DENND1A: variants seen among roughly 807,000 people sequenced by gnomAD.
The protein encoded by DENND1A is DENN domain-containing protein 1A.
In DENND1A, 51 loss-of-function variants were observed where a neutral mutation model predicts 113.7. That is an observed-to-expected ratio of 0.45 (90% CI 0.36 to 0.57). The LOEUF is 0.57. Ranked by LOEUF, DENND1A falls within the 20% of genes least tolerant of loss-of-function variation. The pLI is 0.00. For synonymous variants in DENND1A, 565 were observed against 570.8 expected (o/e 0.99, Z 0.14); for missense variants, 1,258 against 1,395.9 (o/e 0.90, Z 1.57).
At chr9:123,724,249 G>A (rs2141204743) in intron 5 of DENND1A, among the ~76,000 whole-genome samples, 1 of 152,282 alleles carries the variant, frequency 6.6e-6, no homozygotes, top group East Asian at 1.9e-4. Context: ...ACTCGTTGAG[G>A]GAGGCTGAAG....
intron 1 of DENND1A, among the ~76,000 whole-genome samples, chr9:123,901,608 A>C (rs1363589223): frequency 6.6e-6 from 1 of 152,196 alleles, no homozygotes; most frequent in African/African-American, 2.4e-5. Context: ...TAGTTCTGCC[A>C]CGTCTTTCTC....
At chr9:123,784,510 TGAGGCTAAGAGAAAACA>T (rs1831812783) in intron 3 of DENND1A, among the ~76,000 whole-genome samples, 2 of 152,164 alleles carry the variant, frequency 1.3e-5, no homozygotes, top group Admixed American at 1.3e-4. Context: ...ACTGATTCTA[TGAGGCTAAGAGAAAACA>T]GAGACTGCCT....
intron 2 of DENND1A, among the ~76,000 whole-genome samples, chr9:123,858,837 T>G: frequency 6.6e-6 from 1 of 152,032 alleles, no homozygotes; most frequent in East Asian, 1.9e-4. Flanking sequence ...AAAATACTTA[T>G]AGTTAAAAGA....
intron 18 of DENND1A, among the ~76,000 whole-genome samples, chr9:123,443,025 C>A (rs1396557580): frequency 6.6e-6 from 1 of 152,094 alleles, no homozygotes; most frequent in Non-Finnish European, 1.5e-5. Flanking sequence ...TTTTCCAGAC[C>A]CTTGACCTTC....
intron 13 of DENND1A, among the ~76,000 whole-genome samples, chr9:123,498,731 T>C (rs1456661674): frequency 6.6e-6 from 1 of 151,946 alleles, no homozygotes; most frequent in African/African-American, 2.4e-5. Context: ...CTCTCTTTTT[T>C]TTTTTTCTTG....
chr9:123,788,131 G>T (rs1399054110), intron 3 of DENND1A, among the ~76,000 whole-genome samples: 1 of 152,070 alleles, frequency 6.6e-6, no homozygotes, highest in African/African-American at 2.4e-5. Flanking sequence ...GAAAAAACAG[G>T]CTATGAAAGT....
chr9:123,745,885 A>G (rs920894952), intron 5 of DENND1A, among the ~76,000 whole-genome samples: 5 of 152,214 alleles, frequency 3.3e-5, no homozygotes, highest in African/African-American at 1.2e-4. Context: ...ACAGACTATA[A>G]CCATAAGCAA....
At chr9:123,843,884 T>C (rs1337955838) in intron 2 of DENND1A, among the ~76,000 whole-genome samples, 2 of 152,142 alleles carry the variant, frequency 1.3e-5, no homozygotes, top group Non-Finnish European at 2.9e-5. Flanking sequence ...CGATAGAATT[T>C]TTAAAAACAA....
At chr9:123,594,278 C>T (rs1432836512) in intron 11 of DENND1A, among the ~76,000 whole-genome samples, 2 of 152,138 alleles carry the variant, frequency 1.3e-5, no homozygotes, top group African/African-American at 4.8e-5. Flanking sequence ...ACACACACAA[C>T]AACAAAATTA....
intron 1 of DENND1A, among the ~76,000 whole-genome samples, chr9:123,925,294 T>A (rs1397788628): frequency 6.6e-6 from 1 of 152,118 alleles, no homozygotes; most frequent in East Asian, 1.9e-4. Context: ...CTGCCTCTAC[T>A]CCCTCTGCTA....
At chr9:123,582,887 C>G (rs2058985836) in intron 12 of DENND1A, among the ~76,000 whole-genome samples, 1 of 151,116 alleles carries the variant, frequency 6.6e-6, no homozygotes, top group Admixed American at 6.6e-5. Context: ...TTAGTAGAAA[C>G]AGGGTTTCAC....
intron 2 of DENND1A, among the ~76,000 whole-genome samples, chr9:123,876,060 T>C (rs915634618): frequency 2.6e-5 from 4 of 152,236 alleles, no homozygotes; most frequent in African/African-American, 7.2e-5. Flanking sequence ...ACAGATATCA[T>C]GGTCTGCTTA....
intron 8 of DENND1A, among the ~76,000 whole-genome samples, chr9:123,654,653 CGTAA>C (rs2062838172): frequency 6.6e-6 from 1 of 152,220 alleles, no homozygotes; most frequent in Non-Finnish European, 1.5e-5. Context: ...GTTAAAAATA[CGTAA>C]CATTTAGCCA....
chr9:123,390,405 T>C (rs2042778234), intron 21 of DENND1A, among the ~76,000 whole-genome samples: 1 of 152,224 alleles, frequency 6.6e-6, no homozygotes, highest in South Asian at 2.1e-4. Flanking sequence ...ATGTGAAGAA[T>C]GGGACGATGT....
At chr9:123,701,393 C>T (rs145407067) in intron 5 of DENND1A, among the ~76,000 whole-genome samples, 1 of 152,178 alleles carries the variant, frequency 6.6e-6, no homozygotes, top group Non-Finnish European at 1.5e-5. Flanking sequence ...CCTCCCCTTA[C>T]CTCAGGCAGT....
At chr9:123,759,236 A>G (rs536115898) in intron 4 of DENND1A, 1 of 152,290 alleles carries the variant, frequency 6.6e-6, no homozygotes, top group African/African-American at 2.4e-5. Flanking sequence ...TAAGGCTACC[A>G]CCTACTTGCC....
chr9:123,676,992 A>G (rs922303570), intron 5 of DENND1A, among the ~76,000 whole-genome samples: 4 of 152,240 alleles, frequency 2.6e-5, no homozygotes, highest in African/African-American at 9.6e-5. Context: ...AGAGGATTAA[A>G]TGTCCATTAT....
At chr9:123,779,227 C>T (rs149671025) in intron 3 of DENND1A, among the ~76,000 whole-genome samples, 3 of 152,306 alleles carry the variant, frequency 2.0e-5, no homozygotes, top group East Asian at 1.9e-4. Flanking sequence ...CTACTCCCCA[C>T]TCACTCAAAA....
chr9:123,772,446 G>A (rs567441336), intron 3 of DENND1A, among the ~76,000 whole-genome samples: 8 of 152,198 alleles, frequency 5.3e-5, no homozygotes, highest in African/African-American at 1.4e-4. Flanking sequence ...TCTTTGGCTA[G>A]GGCACTTTCT....
Sources: gnomAD v4.1 joint callset for allele counts (sites outside exome capture counted in the v4.1 genomes callset) on GRCh38, gnomAD v4.1.1 for gene constraint, MANE v1.5 for transcripts, NCBI Gene and HGNC (gene_info 2026-07-23, HGNC 2026-07-21) for gene names.